The following STAT3 variants were observed in gnomAD, a reference collection of about 807,000 sequenced individuals.
STAT3 encodes signal transducer and activator of transcription 3.
In STAT3, 7 loss-of-function variants were observed where a neutral mutation model predicts 114.3. That is an observed-to-expected ratio of 0.06 (90% CI 0.03 to 0.11). The LOEUF (loss-of-function observed/expected upper bound fraction) is 0.11. Ranked by LOEUF, STAT3 falls within the 10% of genes least tolerant of loss-of-function variation. The probability of loss-of-function intolerance (pLI) is 1.00; values close to 1 mark genes in which losing one functional copy is unlikely to be tolerated. For synonymous variants in STAT3, 331 were observed against 354.5 expected (o/e 0.93, Z 0.74); for missense variants, 364 against 960.9 (o/e 0.38, Z 8.21).
At chr17:42,334,903 A>G (rs760275102) in intron 8 of STAT3, among the ~76,000 whole-genome samples, 3 of 152,226 alleles carry the variant, frequency 2.0e-5, no homozygotes, top group Non-Finnish European at 4.4e-5. Flanking sequence ...CCAGATATGC[A>G]GAACACGAAA....
At chr17:42,323,929 C>T (rs2081590813) in intron 17 of STAT3, among the ~76,000 whole-genome samples, 2 of 152,168 alleles carry the variant, frequency 1.3e-5, no homozygotes, top group African/African-American at 4.8e-5. Context: ...AAGCTGACAT[C>T]GGGTGTCAGA....
intron 1 of STAT3, among the ~76,000 whole-genome samples, chr17:42,379,479 A>C (rs1598526821): frequency 1.3e-5 from 2 of 152,318 alleles, no homozygotes; most frequent in East Asian, 3.9e-4. Context: ...ACACACACAG[A>C]TGTGAGGGCA....
chr17:42,376,800 C>A (rs1000248268), intron 1 of STAT3, among the ~76,000 whole-genome samples: 1 of 151,802 alleles, frequency 6.6e-6, no homozygotes, highest in Admixed American at 6.6e-5. Context: ...GGGCCCAGAT[C>A]GCACCACTGC....
chr17:42,346,518 C>T (rs1240299308), intron 3 of STAT3, 51 bp downstream of exon 3: 5 of 1,612,950 alleles, frequency 3.1e-6, no homozygotes, highest in African/African-American at 1.3e-5. Flanking sequence ...AGAACACTAA[C>T]ACCCGACTCT....
chr17:42,315,760 A>T lies in STAT3; in HGVS notation c.2298T>A (p.Ala766=). 1 of 1,614,030 alleles carries T rather than the reference A, an allele frequency of 6.2e-7. No individual in the cohort carries two copies. Among genetic ancestry groups the T allele is most frequent in the Non-Finnish European group, 8.5e-7 (1 of 1,179,984 alleles). ...TFDMELTSEC[A]TSPM ...TCTCAGCTCCTCACATGGGGGAGGT[A>T]GCGCACTCCGAGGTCAACTCCATGT... The change falls in exon 24 of 24, where the codon GCT becomes GCA. Residue 766 remains alanine, a synonymous_variant. Transcript: ENST00000264657.
At chr17:42,331,037 A>C (rs769764690) in intron 11 of STAT3, among the ~76,000 whole-genome samples, 6 of 152,224 alleles carry the variant, frequency 3.9e-5, no homozygotes, top group Non-Finnish European at 8.8e-5. Context: ...GCCTACGACC[A>C]GTAGGCTCTG....
At chr17:42,321,217 T>C (rs2081468250) in intron 21 of STAT3, among the ~76,000 whole-genome samples, 1 of 150,558 alleles carries the variant, frequency 6.6e-6, no homozygotes, top group Non-Finnish European at 1.5e-5. Context: ...CCTCCTGGGC[T>C]TAAGCAATCC....
At chr17:42,348,579 G>A in intron 1 of STAT3, 40 bp from the exon 2 acceptor site, 1 of 1,609,946 alleles carries the variant, frequency 6.2e-7, no homozygotes, top group Non-Finnish European at 8.5e-7. Flanking sequence ...ACAAGTCCCA[G>A]TAGGGGTAAA....
At chr17:42,358,075 C>T (rs969130907) in intron 1 of STAT3, among the ~76,000 whole-genome samples, 6 of 151,986 alleles carry the variant, frequency 3.9e-5, no homozygotes, top group South Asian at 4.1e-4. Flanking sequence ...TATAAGAAAA[C>T]TTGAGTTATA....
At chr17:42,356,930 G>C (rs1157468757) in intron 1 of STAT3, among the ~76,000 whole-genome samples, 1 of 152,146 alleles carries the variant, frequency 6.6e-6, no homozygotes, top group East Asian at 1.9e-4. Flanking sequence ...TGGGATTACA[G>C]GCATGCGCCA....
rs1034919979 is a variant in STAT3 at position 42,333,546 on chromosome 17, A to G, written c.1049+127T>C. ...GCAGATAGTATGGCAACAAATTTCA[A>G]CCCCGCAACAGTGTACTGCCTGTGA... On this transcript the variant is annotated intron_variant, in intron 10 of 23. Transcript: ENST00000264657. This position sits in a 1 kb window ranked among gnomAD's most constrained non-coding sequence, Gnocchi z 5.2. The G allele has an allele frequency of 2.8e-6, 3 of 1,073,578 alleles. No individual in the cohort carries two copies. The highest frequency in any genetic ancestry group is 4.2e-6 in the Non-Finnish European group (3 of 718,634). 66.5% of individuals were successfully genotyped at this position (1,073,578 alleles called of 1,614,324 possible).
rs2081637925 is a variant in STAT3 at position 42,324,880 on chromosome 17, A to G, written c.1465-34T>C. On this transcript the variant is annotated intron_variant, in intron 16 of 23. Coordinates refer to ENST00000264657, the MANE Select transcript of STAT3 (RefSeq NM_139276.3). The surrounding 1 kb of genome is among the most constrained non-coding windows in gnomAD (Gnocchi z 4.5). ...AAGAACACATTTGCTTGTTTAGATG[A>G]GGGATGGTGCTCATTGTCTATACTA... The G allele has an allele frequency of 4.3e-6, 7 of 1,614,146 alleles. No individual in the cohort carries two copies. In the East Asian group the frequency reaches 1.6e-4, roughly 36 times the overall value.
chr17:42,335,872 A>T lies in STAT3; in HGVS notation c.797+1563T>A, dbSNP rs538061956. Among the ~76,000 whole-genome samples, 5 of 152,180 alleles carry T rather than the reference A, an allele frequency of 3.3e-5. No homozygotes were observed. In the South Asian group the frequency reaches 8.3e-4, roughly 25 times the overall value. On this transcript the variant is annotated intron_variant, in intron 8 of 23. Coordinates refer to ENST00000264657, the MANE Select transcript of STAT3 (RefSeq NM_139276.3). Reference sequence around the variant, plus strand: ...AGTGAGACTCTGTCTCAAAAAAATTAAAAAAAGAGAGAAGTTAGCATCATT... The same window carrying T: ...AGTGAGACTCTGTCTCAAAAAAATTTAAAAAAGAGAGAAGTTAGCATCATT...
intron 1 of STAT3, among the ~76,000 whole-genome samples, chr17:42,367,612 G>T (rs1396018230): frequency 1.3e-5 from 2 of 152,000 alleles, no homozygotes; most frequent in African/African-American, 4.8e-5. Context: ...CTTCGTTCAG[G>T]TCTCTGCACA....
At chr17:42,351,129 C>CAAAAAAAAAAAA (rs139529559) in intron 1 of STAT3, among the ~76,000 whole-genome samples, 1 of 77,270 alleles carries the variant, frequency 1.3e-5, no homozygotes, top group African/African-American at 4.0e-5. Flanking sequence ...GACTCCATCT[C>CAAAAAAAAAAAA]AAAAAAAAAA....
Position 42,323,244 on chromosome 17 carries a change from ACT to A in STAT3, c.1748+14_1748+15del. 1 of 1,614,030 alleles carries A rather than the reference ACT, an allele frequency of 6.2e-7. No homozygotes were observed. Among genetic ancestry groups the A allele is most frequent in the Non-Finnish European group, 8.5e-7 (1 of 1,179,984 alleles). On this transcript the variant is annotated intron_variant, in intron 19 of 23. Transcript: ENST00000264657. ...AGGGGACTTGGTTACATCTGTGCACACTCTGTCCAACCTACCCTTCGTTCCAA... is the reference window on the plus strand; with the variant it reads ...AGGGGACTTGGTTACATCTGTGCACACTGTCCAACCTACCCTTCGTTCCAA...
chr17:42,384,124 A>G (rs1033538459), intron 1 of STAT3, among the ~76,000 whole-genome samples: 8 of 81,958 alleles, frequency 9.8e-5, no homozygotes, highest in African/African-American at 1.4e-4. Flanking sequence ...TTATTTATTT[A>G]TTTATTTATT....
intron 15 of STAT3, 152 bp from the exon 16 acceptor site, chr17:42,325,213 G>A (rs945924763): frequency 7.3e-6 from 5 of 683,406 alleles, no homozygotes; most frequent in Non-Finnish European, 1.3e-5. Flanking sequence ...GAGTGAGTCA[G>A]CTCAGTGAGC....
chr17:42,328,783 A>C (rs926114954), intron 14 of STAT3, among the ~76,000 whole-genome samples: 1 of 152,224 alleles, frequency 6.6e-6, no homozygotes, highest in African/African-American at 2.4e-5. Flanking sequence ...TTTAAAAATG[A>C]CTGAAAACTA....
Sources: gnomAD v4.1 joint callset for allele counts (sites outside exome capture counted in the v4.1 genomes callset) on GRCh38, gnomAD v4.1.1 for gene constraint, Gnocchi (gnomAD v3.1) non-coding constraint, MANE v1.5 for transcripts, NCBI Gene and HGNC (gene_info 2026-07-23, HGNC 2026-07-21) for gene names.